Variants in AFAP1 observed in about 807,000 individuals in gnomAD.
AFAP1 encodes the protein actin filament associated protein 1, also known as actin filament-associated protein 1.
In AFAP1, 75 loss-of-function variants were observed where a neutral mutation model predicts 93.9. The ratio of observed to expected loss-of-function variants is 0.80; its 90% CI spans 0.66 to 0.97. The LOEUF is 0.97. AFAP1 is among the 50% of genes least tolerant of loss of function. AFAP1 has a pLI of 0.00. For synonymous variants in AFAP1, 517 were observed against 430.7 expected (o/e 1.20, Z -2.48); for missense variants, 1,201 against 1,050.8 (o/e 1.14, Z -1.98).
intron 1 of AFAP1, among the ~76,000 whole-genome samples, chr4:7,893,297 T>C (rs996568485): frequency 4.6e-5 from 7 of 152,172 alleles, no homozygotes; most frequent in Admixed American, 1.3e-4. Flanking sequence ...AAGCTAAGGA[T>C]TGGCTGGGTG....
intron 11 of AFAP1, among the ~76,000 whole-genome samples, chr4:7,787,227 G>A (rs966142526): frequency 6.6e-6 from 1 of 152,240 alleles, no homozygotes; most frequent in Non-Finnish European, 1.5e-5. Flanking sequence ...TGTGTATGCG[G>A]CGGTGCCGGG....
intron 1 of AFAP1, among the ~76,000 whole-genome samples, chr4:7,929,565 G>GC (rs1720949088): frequency 6.6e-6 from 1 of 152,262 alleles, no homozygotes; most frequent in African/African-American, 2.4e-5. Context: ...TGTGATGCCT[G>GC]CCCCCCTTCC....
intron 17 of AFAP1, among the ~76,000 whole-genome samples, chr4:7,765,182 A>C (rs1188416119): frequency 6.6e-6 from 1 of 151,888 alleles, no homozygotes; most frequent in Non-Finnish European, 1.5e-5. Context: ...GGGCCCCAAA[A>C]CCACTGGGTC....
chr4:7,925,607 G>C (rs1720683324), intron 1 of AFAP1, among the ~76,000 whole-genome samples: 1 of 152,016 alleles, frequency 6.6e-6, no homozygotes, highest in African/African-American at 2.4e-5. Context: ...AGCACTTTGG[G>C]TGGCCGAGTC....
chr4:7,908,351 T>TCA (rs949112471), intron 1 of AFAP1, among the ~76,000 whole-genome samples: 8 of 152,238 alleles, frequency 5.3e-5, no homozygotes, highest in Admixed American at 2.0e-4. Flanking sequence ...GCCCTTGGCA[T>TCA]CACACTAGGC....
In AFAP1 at chr4:7,862,406, G is replaced by GAA. The variant is rs1560206491; in HGVS notation, c.225+6215_225+6216insTT. 58 of 102,492 alleles carry GAA rather than the reference G, an allele frequency of 5.7e-4. 1 individual carries two copies. The highest frequency in any genetic ancestry group is 2.0e-3 in the African/African-American group (56 of 27,934). The allele number at this position is 102,492 out of a possible 1,614,324, so 6.3% of individuals were successfully genotyped here. ...AGGGGCAGGAGTTGGGGGCGGGGGG[G>GAA]GGGGGGGGCGCCGGCGGCGGGAGAA... is the stretch of plus-strand genomic sequence containing the variant. On this transcript the variant is annotated intron_variant, in intron 3 of 17. Transcript: ENST00000420658.
rs758528907 is a variant in AFAP1, at chr4:7,793,745, G to C, written c.1348C>G (p.His450Asp). ...ATCTCCACATCAATGTAGTCATAGT[G>C]CAGAGCCTCCGGGTCTGTGGACGAT... ...TGSSTDPEALHYDYIDVEMSA... is the reference protein window; with the variant it reads ...TGSSTDPEALDYDYIDVEMSA... Residue 450 changes from histidine (H) to aspartate (D), a missense_variant, in exon 11 of 18, where the codon CAC becomes GAC. Physicochemically the swap from His to Asp is moderately conservative, Grantham distance 81. Transcript: ENST00000420658. 3.8e-6 allele frequency: 6 copies of C among 1,579,074 alleles called. No individual in the cohort carries two copies. Among genetic ancestry groups the C allele is most frequent in the Non-Finnish European group, 4.3e-6 (5 of 1,152,990 alleles).
chr4:7,919,078 G>A (rs1483514035), intron 1 of AFAP1, among the ~76,000 whole-genome samples: 1 of 151,814 alleles, frequency 6.6e-6, no homozygotes, highest in Non-Finnish European at 1.5e-5. Context: ...AGGTCACCAA[G>A]AAACAGGGCT....
intron 3 of AFAP1, among the ~76,000 whole-genome samples, chr4:7,859,419 G>GA (rs1484506894): frequency 1.3e-5 from 2 of 150,666 alleles, no homozygotes; most frequent in South Asian, 2.1e-4. Context: ...ACTCTGTCTC[G>GA]AAAAAAAATA....
chr4:7,804,355 T>C (rs923220393), intron 9 of AFAP1, among the ~76,000 whole-genome samples: 1 of 152,206 alleles, frequency 6.6e-6, no homozygotes, highest in Non-Finnish European at 1.5e-5. Context: ...ATCTCACTTA[T>C]CATATTATGG....
intron 1 of AFAP1, among the ~76,000 whole-genome samples, chr4:7,896,013 A>G (rs1352848167): frequency 6.6e-6 from 1 of 151,972 alleles, no homozygotes; most frequent in Admixed American, 6.6e-5. Flanking sequence ...GGCATGTGCC[A>G]CCACACCCGG....
chr4:7,849,132 C>T (rs1714143884), intron 4 of AFAP1, among the ~76,000 whole-genome samples: 2 of 152,294 alleles, frequency 1.3e-5, no homozygotes, highest in South Asian at 4.1e-4. Flanking sequence ...GAGCGCCACG[C>T]AGACCCTGCC....
chr4:7,925,972 C>T (rs1026315152), intron 1 of AFAP1, among the ~76,000 whole-genome samples: 2 of 152,102 alleles, frequency 1.3e-5, no homozygotes, highest in Non-Finnish European at 2.9e-5. Flanking sequence ...AAATGGAATC[C>T]CACATGTAAA....
rs376779538 is a variant in AFAP1 at position 7,800,732 on chromosome 4, A to C, written c.1055-79T>G. 1.4e-5 allele frequency: 19 copies of C among 1,391,902 alleles called. No homozygotes were observed. In the African/African-American group the frequency reaches 2.3e-4, roughly 17 times the overall value. 86.2% of individuals were successfully genotyped at this position (1,391,902 alleles called of 1,614,324 possible). On this transcript the variant is annotated intron_variant, in intron 9 of 17. Coordinates refer to ENST00000420658, the MANE Select transcript of AFAP1 (RefSeq NM_001134647.2). Reference sequence around the variant, plus strand: ...GAAGACGTCTAGGGTCACACTGAGGAGGCCCAGGGATGGGAGTGTGGATAA... The same window carrying C: ...GAAGACGTCTAGGGTCACACTGAGGCGGCCCAGGGATGGGAGTGTGGATAA...
chr4:7,849,154 A>G (rs1714146629), intron 4 of AFAP1, among the ~76,000 whole-genome samples: 2 of 152,152 alleles, frequency 1.3e-5, no homozygotes. Flanking sequence ...TTTCGTTTCA[A>G]TGCACTGGCT....
At chr4:7,906,568 G>A (rs6850654) in intron 1 of AFAP1, among the ~76,000 whole-genome samples, 11 of 151,984 alleles carry the variant, frequency 7.2e-5, no homozygotes, top group Non-Finnish European at 1.3e-4. Context: ...GTATCACTCC[G>A]GCCCAGTGCT....
chr4:7,806,813 G>A (rs1719554055), intron 9 of AFAP1, among the ~76,000 whole-genome samples: 1 of 152,204 alleles, frequency 6.6e-6, no homozygotes, highest in Non-Finnish European at 1.5e-5. Flanking sequence ...GAATCCATGT[G>A]TCTAATTAGA....
intron 4 of AFAP1, among the ~76,000 whole-genome samples, chr4:7,847,774 G>A (rs922524069): frequency 3.3e-5 from 4 of 121,288 alleles, no homozygotes; most frequent in Non-Finnish European, 6.8e-5. Flanking sequence ...GAACAGGAAG[G>A]TTCTATTTCA....
At chr4:7,874,626 GCCCA>G (rs1717378720) in intron 1 of AFAP1, among the ~76,000 whole-genome samples, 1 of 130,650 alleles carries the variant, frequency 7.7e-6, no homozygotes, top group African/African-American at 3.0e-5. Flanking sequence ...CTCATGATCT[GCCCA>G]CCTCGGCCTC....
Sources: gnomAD v4.1 joint callset for allele counts (sites outside exome capture counted in the v4.1 genomes callset) on GRCh38, gnomAD v4.1.1 for gene constraint, MANE v1.5 for transcripts, NCBI Gene and HGNC (gene_info 2026-07-23, HGNC 2026-07-21) for gene names.